Variants in GPR149 observed in about 807,000 individuals in gnomAD.
The protein encoded by GPR149 is G protein-coupled receptor 149, also known as probable G protein-coupled receptor 149.
In GPR149, 50 loss-of-function variants were observed where a neutral mutation model predicts 50.2. That is an observed-to-expected ratio of 1.00 (90% CI 0.79 to 1.26). The LOEUF is 1.26. GPR149 is among the 50% of genes most tolerant of loss of function. The pLI, the probability that GPR149 is intolerant of heterozygous loss-of-function variation, is 0.00. For missense variants in GPR149, 983 were observed against 895.4 expected (o/e 1.10, Z -1.25); for synonymous variants, 405 against 358.2 (o/e 1.13, Z -1.48).
Position 154,421,234 on chromosome 3 carries a change from A to C in GPR149, c.1428T>G (p.Thr476=), listed in dbSNP as rs770282005. Residue 476 remains threonine, a synonymous_variant, in exon 3 of 4, where the codon ACT becomes ACG. Transcript: ENST00000389740. ...AATCCTGTTTAGCTTCTGTAATATC[A>C]GTATTTGTGCATTTGTTGATGCCTC... ...TQRGINKCTN[T]DITEAKQDSN... 1.2e-6 allele frequency: 2 copies of C among 1,613,406 alleles called. No individual in the cohort carries two copies. The highest frequency in any genetic ancestry group is 1.3e-5 in the African/African-American group (1 of 74,870).
chr3:154,375,810 T>C (rs1714777489), intron 3 of GPR149, among the ~76,000 whole-genome samples: 1 of 152,202 alleles, frequency 6.6e-6, no homozygotes, highest in African/African-American at 2.4e-5. Context: ...CTCTCACCAA[T>C]GCTGGTGGGC....
intron 3 of GPR149, among the ~76,000 whole-genome samples, chr3:154,372,683 A>G (rs1714691978): frequency 6.6e-6 from 1 of 152,192 alleles, no homozygotes; most frequent in African/African-American, 2.4e-5. Context: ...TCATGGAGAG[A>G]GAATGGTGAT....
chr3:154,428,929 G>A lies in GPR149; in HGVS notation c.687C>T (p.Tyr229=), dbSNP rs747576564. Residue 229 remains tyrosine (Y), a synonymous_variant, in exon 1 of 4, where the codon TAC becomes TAT. Transcript: ENST00000389740. The part of the protein sequence containing the change: ...SEEPPRLHSN[Y]QEISRGASIP... ...TTGAAGCTCCACGGGAAATTTCCTG[G>A]TAGTTGGAGTGGAGTCTCGGCGGCT... is the stretch of plus-strand genomic sequence containing the variant. 2.5e-5 allele frequency: 40 copies of A among 1,614,036 alleles called. No individual in the cohort carries two copies. In the South Asian group the frequency reaches 4.4e-4, roughly 18 times the overall value.
At chr3:154,400,895 A>T (rs919872600) in intron 3 of GPR149, among the ~76,000 whole-genome samples, 3 of 152,252 alleles carry the variant, frequency 2.0e-5, no homozygotes, top group African/African-American at 7.2e-5. Context: ...AAAACAAAGG[A>T]TATTAAATAT....
At position 154,393,827 on chromosome 3, in the gene GPR149, C is replaced by A. The variant is rs541581190; in HGVS notation, c.1623+27212G>T. Among the ~76,000 whole-genome samples the A allele has an allele frequency of 2.0e-5, 3 of 151,828 alleles. No homozygotes were observed. In the East Asian group the frequency reaches 5.8e-4, roughly 29 times the overall value. On this transcript the variant is annotated intron_variant, in intron 3 of 3. Coordinates refer to ENST00000389740, the MANE Select transcript of GPR149 (RefSeq NM_001038705.3). ...CAAACAATCCTGTTTACAATAGCAT[C>A]AAAAATAATAAAATACTTAGGAATA... is the stretch of plus-strand genomic sequence containing the variant.
chr3:154,398,029 T>C (rs1023538040), intron 3 of GPR149, among the ~76,000 whole-genome samples: 4 of 79,172 alleles, frequency 5.1e-5, no homozygotes, highest in Non-Finnish European at 8.1e-5. Context: ...TTGTAAATTA[T>C]GTGCTACACA....
chr3:154,391,551 GGT>G (rs1715168957), intron 3 of GPR149, among the ~76,000 whole-genome samples: 1 of 140,522 alleles, frequency 7.1e-6, no homozygotes, highest in African/African-American at 2.5e-5. Context: ...ACAACTACAA[GGT>G]AGTAAAAAAA....
chr3:154,378,680 T>C (rs895189949), intron 3 of GPR149, among the ~76,000 whole-genome samples: 2 of 152,218 alleles, frequency 1.3e-5, no homozygotes, highest in African/African-American at 4.8e-5. Context: ...GAATTTTACA[T>C]TCCCACCAGC....
intron 3 of GPR149, among the ~76,000 whole-genome samples, chr3:154,347,796 G>C (rs114390458): frequency 0.013 from 2,047 of 152,248 alleles, 44 homozygotes; most frequent in African/African-American, 0.047. Context: ...AGAGTGTGGT[G>C]GAAGGGAGCA....
At chr3:154,352,114 TG>T in intron 3 of GPR149, 1 of 687,068 alleles carries the variant, frequency 1.5e-6, no homozygotes. Flanking sequence ...AAGTTCACAC[TG>T]GTAGATTAAG....
chr3:154,402,745 T>TC (rs1387508240), intron 3 of GPR149, among the ~76,000 whole-genome samples: 1 of 151,868 alleles, frequency 6.6e-6, no homozygotes, highest in Non-Finnish European at 1.5e-5. Flanking sequence ...CCTGTACACT[T>TC]TTTTTCTCAC....
At chr3:154,352,240 G>C in intron 3 of GPR149, 3 of 875,502 alleles carry the variant, frequency 3.4e-6, no homozygotes, top group Non-Finnish European at 5.4e-6. Flanking sequence ...TGTCGACTCT[G>C]TCTACCTGAT....
intron 3 of GPR149, among the ~76,000 whole-genome samples, chr3:154,381,824 G>A (rs1714935420): frequency 2.7e-5 from 1 of 37,274 alleles, no homozygotes; most frequent in Admixed American, 5.7e-4. Context: ...TTGGTGATGT[G>A]CACTATTAAA....
At chr3:154,377,348 AATTATTATTATTATT>A (rs59932456) in intron 3 of GPR149, among the ~76,000 whole-genome samples, 3 of 139,252 alleles carry the variant, frequency 2.2e-5, no homozygotes, top group Non-Finnish European at 3.1e-5. Context: ...TCTGCTCTGT[AATTATTATTATTATT>A]ATTATTATTA....
At chr3:154,361,910 A>G (rs1714415232) in intron 3 of GPR149, among the ~76,000 whole-genome samples, 1 of 152,234 alleles carries the variant, frequency 6.6e-6, no homozygotes, top group Non-Finnish European at 1.5e-5. Flanking sequence ...GAGCTTATTA[A>G]AAAGATACAT....
At chr3:154,349,087 C>T (rs1048702661) in intron 3 of GPR149, among the ~76,000 whole-genome samples, 1 of 151,638 alleles carries the variant, frequency 6.6e-6, no homozygotes, top group African/African-American at 2.4e-5. Context: ...GAAAATACAA[C>T]ATATTGAAAT....
intron 3 of GPR149, among the ~76,000 whole-genome samples, chr3:154,340,396 C>G (rs1713763574): frequency 6.6e-6 from 1 of 152,202 alleles, no homozygotes; most frequent in Non-Finnish European, 1.5e-5. Context: ...CATCAGACTA[C>G]TATTAATATT....
intron 3 of GPR149, among the ~76,000 whole-genome samples, chr3:154,403,465 T>C (rs935886938): frequency 1.2e-4 from 18 of 152,234 alleles, no homozygotes; most frequent in African/African-American, 9.6e-5. Context: ...CATGTTTTGT[T>C]AGCTTTAGTT....
chr3:154,336,471 A>C lies in GPR149; in HGVS notation c.*1228T>G, dbSNP rs1252419682. On this transcript the variant is annotated 3_prime_UTR_variant, in exon 4 of 4. Transcript: ENST00000389740. ...AACTTTGGAAAATAAACTTTTAGGT[A>C]ATACATTTCATATATGTTTACAGGA... 3.9e-5 allele frequency: 6 copies of C among 152,136 alleles called. No individual in the cohort carries two copies. Among genetic ancestry groups the C allele is most frequent in the Admixed American group, 2.6e-4 (4 of 15,274 alleles). The allele number at this position is 152,136 out of a possible 1,614,324, so 9.4% of individuals were successfully genotyped here.
Sources: allele counts gnomAD v4.1 joint callset (sites outside exome capture counted in the v4.1 genomes callset), GRCh38; gene constraint gnomAD v4.1.1; transcripts MANE v1.5; gene names NCBI Gene and HGNC (gene_info 2026-07-23, HGNC 2026-07-21).